The following MAP2K4 variants were observed in gnomAD, a reference collection of about 807,000 sequenced individuals.
MAP2K4 encodes dual specificity mitogen-activated protein kinase kinase 4.
Under a neutral mutation model 48.5 loss-of-function variants are expected in MAP2K4, and 4 were observed. That is an observed-to-expected ratio of 0.08 (90% CI 0.04 to 0.19). MAP2K4 has a LOEUF of 0.19. Ranked by LOEUF, MAP2K4 falls within the 10% of genes least tolerant of loss-of-function variation. The pLI, the probability that MAP2K4 is intolerant of heterozygous loss-of-function variation, is 1.00. For missense variants in MAP2K4, 258 were observed against 493.3 expected, an observed-to-expected ratio of 0.52 and a Z score of 4.52; for synonymous variants, 166 against 173.1, an observed-to-expected ratio of 0.96 and a Z score of 0.32.
Position 12,097,356 on chromosome 17 carries a change from A to G in MAP2K4, c.513+1662A>G, listed in dbSNP as rs536674573. Among the ~76,000 whole-genome samples the G allele has an allele frequency of 2.6e-5, 4 of 152,310 alleles. No homozygotes were observed. The East Asian group carries it at 7.7e-4, about 29-fold the overall frequency. On this transcript the variant is annotated intron_variant, in intron 4 of 10. Transcript: ENST00000353533. ...ACCTCCATAGTGCTGGAATATACCA[A>G]TTTATTTCATTTGTTCATTTATTTA...
At position 12,028,311 on chromosome 17, in the gene MAP2K4, T is replaced by C. The variant is rs1194210462; in HGVS notation, c.115+7310T>C. ...AGTGTGGAAGGGATTTGATGAGTATTTTATCAACTCCTGACTGGTGGATGA... is the reference window on the plus strand; with the variant it reads ...AGTGTGGAAGGGATTTGATGAGTATCTTATCAACTCCTGACTGGTGGATGA... On this transcript the variant is annotated intron_variant, in intron 1 of 10. Transcript: ENST00000353533. Among the ~76,000 whole-genome samples, 5 of 152,188 alleles carry C rather than the reference T, an allele frequency of 3.3e-5. No individual in the cohort carries two copies. The East Asian group carries it at 7.7e-4, about 23-fold the overall frequency.
intron 3 of MAP2K4, chr17:12,082,008 G>A (rs1397063111): frequency 9.6e-6 from 5 of 519,668 alleles, no homozygotes; most frequent in East Asian, 1.1e-4. Flanking sequence ...TGACCGGCTC[G>A]GCTTCTGTTT....
chr17:12,095,801 A>G, intron 4 of MAP2K4, 107 bp downstream of exon 4: 1 of 1,247,298 alleles, frequency 8.0e-7, no homozygotes, highest in Admixed American at 2.1e-5. Context: ...TAATAAGTTA[A>G]TATCTCAGTA....
At chr17:12,055,780 G>A (rs894007955) in intron 2 of MAP2K4, among the ~76,000 whole-genome samples, 3 of 152,076 alleles carry the variant, frequency 2.0e-5, no homozygotes, top group South Asian at 4.1e-4. Context: ...GTAGAAGGTA[G>A]TGTCTTGCAA....
intron 3 of MAP2K4, among the ~76,000 whole-genome samples, chr17:12,088,139 A>G (rs2077438891): frequency 6.6e-6 from 1 of 152,078 alleles, no homozygotes; most frequent in Admixed American, 6.6e-5. Flanking sequence ...CTGGGAAAGC[A>G]GCATATTTGT....
At chr17:12,051,396 T>C (rs1243792089) in intron 1 of MAP2K4, among the ~76,000 whole-genome samples, 1 of 152,174 alleles carries the variant, frequency 6.6e-6, no homozygotes, top group Non-Finnish European at 1.5e-5. Context: ...GTGTTTTCTG[T>C]ATCAGGCACA....
At chr17:12,026,262 T>G (rs1567621660) in intron 1 of MAP2K4, among the ~76,000 whole-genome samples, 1 of 152,176 alleles carries the variant, frequency 6.6e-6, no homozygotes, top group Non-Finnish European at 1.5e-5. Context: ...TCGTTTTCTT[T>G]TTTCGTAAAT....
chr17:12,047,336 T>A (rs1969999493), intron 1 of MAP2K4, among the ~76,000 whole-genome samples: 1 of 152,206 alleles, frequency 6.6e-6, no homozygotes, highest in Non-Finnish European at 1.5e-5. Flanking sequence ...AATGAGTGAC[T>A]ATCTAGCTGA....
At chr17:12,112,954 TAAG>T (rs2151577378) in intron 6 of MAP2K4, 1 of 209,528 alleles carries the variant, frequency 4.8e-6, no homozygotes, top group East Asian at 9.9e-5. Context: ...ATGAAGATGT[TAAG>T]AGAAAAATCA....
At chr17:12,060,778 C>T (rs1970427015) in intron 2 of MAP2K4, among the ~76,000 whole-genome samples, 1 of 151,460 alleles carries the variant, frequency 6.6e-6, no homozygotes, top group Admixed American at 6.6e-5. Flanking sequence ...TGGTTTGGTG[C>T]TACTGCTGCG....
rs1394042006 is a variant in MAP2K4 at position 12,143,064 on chromosome 17, T to A, written c.*1804T>A. ...TATCTCTTTGATCTACTTGCCTCAT[T>A]TCCCTATCTTCTCCCCCACGGTATC... is the stretch of plus-strand genomic sequence containing the variant. On this transcript the variant is annotated 3_prime_UTR_variant, in exon 11 of 11. Coordinates refer to ENST00000353533, the MANE Select transcript of MAP2K4 (RefSeq NM_003010.4). The A allele has an allele frequency of 8.6e-6, 2 of 232,916 alleles. No homozygotes were observed. The highest frequency in any genetic ancestry group is 4.4e-5 in the African/African-American group (2 of 45,332). The allele number at this position is 232,916 out of a possible 1,614,324, so 14.4% of individuals were successfully genotyped here.
intron 10 of MAP2K4, among the ~76,000 whole-genome samples, chr17:12,140,691 G>A (rs576952862): frequency 6.6e-5 from 10 of 152,246 alleles, no homozygotes; most frequent in East Asian, 3.9e-4. Flanking sequence ...AAAGGATTGC[G>A]ACCTTTTTGT....
intron 1 of MAP2K4, among the ~76,000 whole-genome samples, chr17:12,026,052 C>A (rs1041164675): frequency 1.3e-5 from 2 of 152,156 alleles, no homozygotes; most frequent in Non-Finnish European, 2.9e-5. Flanking sequence ...TTAGTCCCCC[C>A]TCAAAGCTCA....
chr17:12,116,792 C>G (rs1972513049), intron 7 of MAP2K4, among the ~76,000 whole-genome samples: 1 of 152,148 alleles, frequency 6.6e-6, no homozygotes, highest in South Asian at 2.1e-4. Flanking sequence ...GTAATACCTC[C>G]TGAAAGACCT....
intron 1 of MAP2K4, among the ~76,000 whole-genome samples, chr17:12,021,684 G>C (rs1048638780): frequency 7.3e-5 from 11 of 150,988 alleles, no homozygotes; most frequent in Non-Finnish European, 1.3e-4. Flanking sequence ...GCCTGGGAGA[G>C]GCATTTTGTT....
At chr17:12,037,726 C>T (rs1969644372) in intron 1 of MAP2K4, among the ~76,000 whole-genome samples, 1 of 151,734 alleles carries the variant, frequency 6.6e-6, no homozygotes, top group African/African-American at 2.4e-5. Flanking sequence ...TTTGTGGGGA[C>T]CATGATAAAT....
At chr17:12,054,273 T>C (rs886471856) in intron 1 of MAP2K4, among the ~76,000 whole-genome samples, 3 of 152,182 alleles carry the variant, frequency 2.0e-5, no homozygotes, top group Non-Finnish European at 4.4e-5. Context: ...ATTTTTAATA[T>C]ATTTGATCTT....
At chr17:12,119,338 G>GAACAGACACTTTTC (rs1300263388) in intron 7 of MAP2K4, among the ~76,000 whole-genome samples, 1 of 152,130 alleles carries the variant, frequency 6.6e-6, no homozygotes, top group Non-Finnish European at 1.5e-5. Flanking sequence ...GTAAGGACGT[G>GAACAGACACTTTTC]AACAGACACT....
chr17:12,130,232 C>T (rs569152402), intron 9 of MAP2K4, among the ~76,000 whole-genome samples: 1 of 152,062 alleles, frequency 6.6e-6, no homozygotes, highest in East Asian at 1.9e-4. Context: ...GTTTTTAAGT[C>T]TCTTTCATCT....
Sources: allele counts gnomAD v4.1 joint callset (sites outside exome capture counted in the v4.1 genomes callset), GRCh38; gene constraint gnomAD v4.1.1; transcripts MANE v1.5; gene names NCBI Gene and HGNC (gene_info 2026-07-23, HGNC 2026-07-21).